Variants in DNAH8 observed in about 807,000 individuals in gnomAD.
The protein encoded by DNAH8 is axonemal beta dynein heavy chain 8.
Under a neutral mutation model 562.1 loss-of-function variants are expected in DNAH8, and 382 were observed. That is an observed-to-expected ratio of 0.68 (90% CI 0.63 to 0.74). The LOEUF (loss-of-function observed/expected upper bound fraction) is 0.74, where lower values mean the gene tolerates loss of function less well. Among genes scored for constraint, DNAH8 ranks in the 30% least tolerant of loss-of-function variants. The pLI, the probability that DNAH8 is intolerant of heterozygous loss-of-function variation, is 0.00. For missense variants in DNAH8, 5,203 were observed against 5,620.4 expected, an observed-to-expected ratio of 0.93 and a Z score of 2.37; for synonymous variants, 1,881 against 1,919.4, an observed-to-expected ratio of 0.98 and a Z score of 0.52.
intron 75 of DNAH8, chr6:38,931,473 C>A (rs1236045557): frequency 6.4e-6 from 1 of 156,082 alleles, no homozygotes; most frequent in Non-Finnish European, 1.4e-5. Context: ...TCCTGTACTA[C>A]AAACAATTGA....
rs1762855492 is a variant in DNAH8 at position 38,722,713 on chromosome 6, G to A, written c.-34-63G>A. On this transcript the variant is annotated intron_variant, in intron 1 of 92. Transcript: ENST00000327475. ...TGCTACTTGTCTAGCTAAAAGGGGA[G>A]TAATAAAAACGTACAACACTCAATT... is the stretch of plus-strand genomic sequence containing the variant. The A allele has an allele frequency of 9.1e-6, 12 of 1,321,966 alleles. No homozygotes were observed. In the East Asian group the frequency reaches 1.0e-4, roughly 11 times the overall value. The allele number at this position is 1,321,966 out of a possible 1,614,324, so 81.9% of individuals were successfully genotyped here.
chr6:38,967,527 C>A (rs1264269722), intron 82 of DNAH8, among the ~76,000 whole-genome samples: 1 of 151,996 alleles, frequency 6.6e-6, no homozygotes, highest in Admixed American at 6.6e-5. Context: ...CATTACAATT[C>A]CTTTACAATA....
At chr6:38,921,580 C>G in intron 71 of DNAH8, 74 bp downstream of exon 71, 2 of 1,484,800 alleles carry the variant, frequency 1.3e-6, no homozygotes, top group Non-Finnish European at 9.1e-7. Context: ...ATTTGGAAAT[C>G]AGGCAAATGG....
intron 11 of DNAH8, 50 bp from the exon 12 acceptor site, chr6:38,770,363 T>A (rs764923776): frequency 1.5e-6 from 2 of 1,311,966 alleles, no homozygotes; most frequent in Non-Finnish European, 2.1e-6. Flanking sequence ...TTTCGATTCC[T>A]GAACAAATGT....
intron 82 of DNAH8, among the ~76,000 whole-genome samples, chr6:38,965,525 A>G (rs1332012): frequency 0.87 from 132,849 of 152,182 alleles, 58,044 homozygotes; most frequent in East Asian, 0.93. Context: ...TTAGAAGTAA[A>G]TCCAAAAAAA....
chr6:38,861,690 C>A (rs1268476258), intron 43 of DNAH8, among the ~76,000 whole-genome samples: 2 of 152,142 alleles, frequency 1.3e-5, no homozygotes, highest in Admixed American at 1.3e-4. Flanking sequence ...TGCCACCACG[C>A]CTGGCTAATT....
At chr6:38,725,938 AGTGACTATTCTAGTTTCTGTG>A (rs982405972) in intron 3 of DNAH8, among the ~76,000 whole-genome samples, 3 of 152,192 alleles carry the variant, frequency 2.0e-5, no homozygotes, top group African/African-American at 7.2e-5. Flanking sequence ...TCCTTTCCCC[AGTGACTATTCTAGTTTCTGTG>A]GTGACTTTGG....
chr6:38,929,569 G>T lies in DNAH8; in HGVS notation c.11177G>T (p.Gly3726Val). 1 of 1,612,714 alleles carries T rather than the reference G, an allele frequency of 6.2e-7. No individual in the cohort carries two copies. The highest frequency in any genetic ancestry group is 8.5e-7 in the Non-Finnish European group (1 of 1,179,434). ...RTHLEDSLSL[G>V]RPLLIEDIHE... ...CACTTGGAGGACAGCCTTTCCTTGG[G>T]CCGACCCCTTCTCATTGAGGACATT... The change falls in exon 75 of 93, where the codon GGC becomes GTC. Residue 3726 changes from glycine to valine, a missense_variant. By Grantham distance (109) the Gly-to-Val change is moderately radical. This residue lies in a region of DNAH8 where 1,399 missense variants were observed against 1,518.4 expected (regional missense o/e 0.92). Transcript: ENST00000327475.
At chr6:38,916,023 T>A (rs1781291337) in intron 68 of DNAH8, among the ~76,000 whole-genome samples, 1 of 152,200 alleles carries the variant, frequency 6.6e-6, no homozygotes, top group Admixed American at 6.5e-5. Flanking sequence ...CTTGGGTTTC[T>A]ATGGGGATTA....
At position 38,939,294 on chromosome 6, in the gene DNAH8, G is replaced by C. The variant is rs185750292; in HGVS notation, c.12007+306G>C. On this transcript the variant is annotated intron_variant, in intron 79 of 92. Coordinates refer to ENST00000327475, the MANE Select transcript of DNAH8 (RefSeq NM_001206927.2). ...TACTGGTGATGGCTTTCTTTAGCAGGACAGCCATTCCCTCAGCAAGGGAGT... is the reference window on the plus strand; with the variant it reads ...TACTGGTGATGGCTTTCTTTAGCAGCACAGCCATTCCCTCAGCAAGGGAGT... 5.3e-3 allele frequency among the ~76,000 whole-genome samples: 801 copies of C among 152,254 alleles called. 2 individuals are homozygous for C. The highest frequency in any genetic ancestry group is 8.0e-3 in the Admixed American group (123 of 15,300).
chr6:38,795,153 A>G (rs759007285), intron 21 of DNAH8, among the ~76,000 whole-genome samples: 22 of 152,216 alleles, frequency 1.4e-4, no homozygotes, highest in Non-Finnish European at 3.2e-4. Context: ...TAAGTGTACA[A>G]TTTAGTGGCA....
intron 58 of DNAH8, among the ~76,000 whole-genome samples, chr6:38,891,334 G>A (rs1779326298): frequency 6.6e-6 from 1 of 152,168 alleles, no homozygotes; most frequent in Admixed American, 6.6e-5. Context: ...TCATGAAAAG[G>A]CAATTAAGTG....
rs1026396325 is a variant in DNAH8 at position 38,959,357 on chromosome 6, A to G, written c.12451+7837A>G. 3.9e-5 allele frequency among the ~76,000 whole-genome samples: 6 copies of G among 152,156 alleles called. No individual in the cohort carries two copies. The East Asian group carries it at 9.6e-4, about 24-fold the overall frequency. On this transcript the variant is annotated intron_variant, in intron 82 of 92. Transcript: ENST00000327475. The stretch of plus-strand genomic sequence containing the variant: ...CAAATTGTCCCTATTTGTAGATGAC[A>G]TGTATACAGAAAACCCTACAGATGC...
At chr6:38,787,027 A>ATTTTT in intron 18 of DNAH8, 75 bp downstream of exon 18, 3 of 629,976 alleles carry the variant, frequency 4.8e-6, no homozygotes, top group Non-Finnish European at 6.7e-6. Flanking sequence ...ATATATATAT[A>ATTTTT]TCCCTGCAGT....
Position 38,886,964 on chromosome 6 carries a change from T to C in DNAH8, c.8433T>C (p.Asn2811=). 1.2e-6 allele frequency: 2 copies of C among 1,613,958 alleles called. No individual in the cohort carries two copies. Among genetic ancestry groups the C allele is most frequent in the Non-Finnish European group, 1.7e-6 (2 of 1,179,870 alleles). Residue 2811 remains asparagine, a synonymous_variant, in exon 57 of 93, where the codon AAT becomes AAC. Transcript: ENST00000327475. ...QRLKRQFTVF[N]CTLPSNASID... ...TAAAAAGACAATTTACTGTGTTTAA[T>C]TGTACATTGCCTTCAAATGCTTCAA...
chr6:38,755,634 A>C (rs1316748404), intron 9 of DNAH8, among the ~76,000 whole-genome samples: 1 of 152,168 alleles, frequency 6.6e-6, no homozygotes, highest in East Asian at 1.9e-4. Flanking sequence ...GAGCAGAATG[A>C]ACTATTAACC....
chr6:38,763,606 G>A, intron 11 of DNAH8: 1 of 177,492 alleles, frequency 5.6e-6, no homozygotes, highest in Non-Finnish European at 1.2e-5. Flanking sequence ...TTGAGCCCAG[G>A]AGTTCGAGAC....
chr6:38,762,331 T>C (rs1582934891), intron 11 of DNAH8, among the ~76,000 whole-genome samples: 1 of 152,342 alleles, frequency 6.6e-6, no homozygotes, highest in South Asian at 2.1e-4. Flanking sequence ...TTGAGATGCT[T>C]ATAGAATTTT....
At chr6:38,947,435 A>T (rs1761522397) in intron 80 of DNAH8, among the ~76,000 whole-genome samples, 1 of 152,228 alleles carries the variant, frequency 6.6e-6, no homozygotes, top group African/African-American at 2.4e-5. Flanking sequence ...TGAGAAATGG[A>T]GATGGACATC....
Sources: allele counts gnomAD v4.1 joint callset (sites outside exome capture counted in the v4.1 genomes callset), GRCh38; gene constraint gnomAD v4.1.1; regional missense constraint gnomAD v4.1.1; transcripts MANE v1.5; gene names NCBI Gene and HGNC (gene_info 2026-07-23, HGNC 2026-07-21).